Variants in LDB1 observed in about 807,000 individuals in gnomAD.
LDB1 encodes the protein LIM domain-binding protein 1.
In LDB1, 6 loss-of-function variants were observed where a neutral mutation model predicts 49.7. That is an observed-to-expected ratio of 0.12 (90% CI 0.07 to 0.24). The LOEUF is 0.24. Among genes scored for constraint, LDB1 ranks in the 10% least tolerant of loss-of-function variants. The pLI is 1.00. For missense variants in LDB1, 341 were observed against 561.7 expected, an observed-to-expected ratio of 0.61 and a Z score of 3.97; for synonymous variants, 233 against 202.0, an observed-to-expected ratio of 1.15 and a Z score of -1.30.
downstream of LDB1, among the ~76,000 whole-genome samples, chr10:102,103,317 C>T (rs1231606085): frequency 7.6e-6 from 1 of 131,712 alleles, no homozygotes; most frequent in East Asian, 2.4e-4. Flanking sequence ...CGTTCTGAAC[C>T]ACTGCACCTG....
At position 102,110,685 on chromosome 10, in the gene LDB1, C is replaced by T; in HGVS notation, c.369G>A (p.Leu123=). The change falls in exon 6 of 11, where the codon CTG becomes CTA. Residue 123 remains leucine, a synonymous_variant. Transcript: ENST00000673968. ...GPKRYTIGRT[L]IPRYFRSIFE... The stretch of plus-strand genomic sequence containing the variant: ...AGATGCTGCGGAAGTAGCGTGGGAT[C>T]AGGGTCCGGCCAATGGCTGTAGAGA... 6.2e-7 allele frequency: 1 copy of T among 1,613,226 alleles called. No homozygotes were observed. The highest frequency in any genetic ancestry group is 8.5e-7 in the Non-Finnish European group (1 of 1,179,504).
chr10:102,105,685 G>T (rs1197318959), downstream of LDB1, among the ~76,000 whole-genome samples: 1 of 151,760 alleles, frequency 6.6e-6, no homozygotes, highest in African/African-American at 2.4e-5. Context: ...CTGCTGACCG[G>T]GCAGAGTGGA....
downstream of LDB1, among the ~76,000 whole-genome samples, chr10:102,102,466 T>C (rs2068128785): frequency 6.6e-6 from 1 of 152,128 alleles, no homozygotes; most frequent in Admixed American, 6.5e-5. Flanking sequence ...GTCCTCCTCT[T>C]GTAGAGGTGA....
chr10:102,110,663 T>C lies in LDB1; in HGVS notation c.391A>G (p.Ile131Val), dbSNP rs2068238575. 2 of 1,613,702 alleles carry C rather than the reference T, an allele frequency of 1.2e-6. No individual in the cohort carries two copies. The highest frequency in any genetic ancestry group is 1.1e-5 in the South Asian group (1 of 91,082). ...RTLIPRYFRS[I>V]FEGGATELYY... ...AGCTCCGTAGCACCCCCCTCAAAGA[T>C]GCTGCGGAAGTAGCGTGGGATCAGG... is the stretch of plus-strand genomic sequence containing the variant. The change falls in exon 6 of 11, where the codon ATC becomes GTC. Residue 131 changes from isoleucine (I) to valine (V), a missense_variant. Coordinates refer to ENST00000673968, the MANE Select transcript of LDB1 (RefSeq NM_001113407.3).
rs371037062 is a variant in LDB1 at position 102,109,592 on chromosome 10, A to T, written c.732+8T>A. 6.2e-7 allele frequency: 1 copy of T among 1,613,966 alleles called. No homozygotes were observed. The highest frequency in any genetic ancestry group is 1.3e-5 in the African/African-American group (1 of 74,888). Reference sequence around the variant, plus strand: ...ACTGGGGCAGAAACTGGGTGGTCGGAGACTCACTCGGAGGTAGTTGAGAGT... The same window carrying T: ...ACTGGGGCAGAAACTGGGTGGTCGGTGACTCACTCGGAGGTAGTTGAGAGT... On this transcript the variant is annotated splice_region_variant and intron_variant, in intron 8 of 10. Transcript: ENST00000673968. This position sits in a 1 kb window ranked among gnomAD's most constrained non-coding sequence, Gnocchi z 5.8.
Position 102,110,247 on chromosome 10 carries a change from A to T in LDB1, c.526-204T>A, listed in dbSNP as rs2068232297. ...ACACAGACACACAGTAGAAAAGCTTAACAGATCCTTGTCCTCTCCCCATGT... is the reference window on the plus strand; with the variant it reads ...ACACAGACACACAGTAGAAAAGCTTTACAGATCCTTGTCCTCTCCCCATGT... On this transcript the variant is annotated intron_variant, in intron 6 of 10. Coordinates refer to ENST00000673968, the MANE Select transcript of LDB1 (RefSeq NM_001113407.3). The T allele has an allele frequency of 1.4e-5, 9 of 638,696 alleles. No individual in the cohort carries two copies. The Admixed American group carries it at 2.4e-4, about 17-fold the overall frequency. 39.6% of individuals were successfully genotyped at this position (638,696 alleles called of 1,614,324 possible). A position where few individuals can be genotyped will look rare whatever the true frequency, so the allele number is the denominator to read the frequency against.
At chr10:102,103,862 G>A (rs1377406182), downstream of LDB1, among the ~76,000 whole-genome samples, 1 of 151,922 alleles carries the variant, frequency 6.6e-6, no homozygotes, top group African/African-American at 2.4e-5. Flanking sequence ...GCCCAGGCTA[G>A]TCTTGAACTC....
At position 102,109,935 on chromosome 10, in the gene LDB1, T is replaced by C; in HGVS notation, c.634A>G (p.Ile212Val). ...RQHRELIPRS[I>V]LAMHAQDPQM... ...CCACGACTCACATGCATGGCAAGGATGCTGCGGGGGATGAGCTCTCGGTGC... is the reference window on the plus strand; with the variant it reads ...CCACGACTCACATGCATGGCAAGGACGCTGCGGGGGATGAGCTCTCGGTGC... Residue 212 changes from isoleucine to valine, a missense_variant, in exon 7 of 11, where the codon ATC becomes GTC. This residue lies in a region of LDB1 where 233 missense variants were observed against 385.7 expected (regional missense o/e 0.60). Coordinates refer to ENST00000673968, the MANE Select transcript of LDB1 (RefSeq NM_001113407.3). This position sits in a 1 kb window ranked among gnomAD's most constrained non-coding sequence, Gnocchi z 5.8. The C allele has an allele frequency of 6.2e-7, 1 of 1,609,910 alleles. No individual in the cohort carries two copies. The highest frequency in any genetic ancestry group is 1.3e-5 in the African/African-American group (1 of 74,906).
At chr10:102,108,947 T>G (rs1446958733) in intron 10 of LDB1, 82 bp downstream of exon 10, 3 of 1,572,002 alleles carry the variant, frequency 1.9e-6, no homozygotes, top group East Asian at 2.2e-5. Flanking sequence ...CTTCTACGCC[T>G]GCTAGTGAGC....
At position 102,109,695 on chromosome 10, in the gene LDB1, G is replaced by A. The variant is rs2068221752; in HGVS notation, c.649-12C>T. 1.2e-6 allele frequency: 2 copies of A among 1,613,152 alleles called. No individual in the cohort carries two copies. Among genetic ancestry groups the A allele is most frequent in the Non-Finnish European group, 1.7e-6 (2 of 1,179,194 alleles). Reference sequence around the variant, plus strand: ...TGGGGGTCTTGGGCCTAGAGTGGGAGAAAAGACAAGAAAGAACACTGACAC... The same window carrying A: ...TGGGGGTCTTGGGCCTAGAGTGGGAAAAAAGACAAGAAAGAACACTGACAC... On this transcript the variant is annotated splice_polypyrimidine_tract_variant and intron_variant, in intron 7 of 10. Transcript: ENST00000673968. This position sits in a 1 kb window ranked among gnomAD's most constrained non-coding sequence, Gnocchi z 5.8.
At chr10:102,110,820 C>T (rs547088554) in intron 5 of LDB1, 49 bp downstream of exon 5, 103 of 1,585,948 alleles carry the variant, frequency 6.5e-5, no homozygotes, top group South Asian at 4.9e-4. Flanking sequence ...GACCTTAGAA[C>T]GACATAGGAG....
chr10:102,110,727 G>A, intron 5 of LDB1, 26 bp from the exon 6 acceptor site: 1 of 1,605,448 alleles, frequency 6.2e-7, no homozygotes, highest in Non-Finnish European at 8.5e-7. Flanking sequence ...AAACTCTTCA[G>A]GACAAAGGGA....
chr10:102,104,807 A>T (rs551683628), downstream of LDB1, among the ~76,000 whole-genome samples: 78 of 152,166 alleles, frequency 5.1e-4, no homozygotes, highest in Non-Finnish European at 9.0e-4. Flanking sequence ...CAGCCCCATA[A>T]CTCAACACAG....
At position 102,109,669 on chromosome 10, in the gene LDB1, C is replaced by T. The variant is rs989901812; in HGVS notation, c.663G>A (p.Gln221=). 3 of 1,614,104 alleles carry T rather than the reference C, an allele frequency of 1.9e-6. No homozygotes were observed. Among genetic ancestry groups the T allele is most frequent in the Non-Finnish European group, 2.5e-6 (3 of 1,179,980 alleles). ...SILAMHAQDP[Q]MLDQLSKNIT... ...TGTTTTTGGAGAGCTGATCCAACATCTGGGGGTCTTGGGCCTAGAGTGGGA... is the reference window on the plus strand; with the variant it reads ...TGTTTTTGGAGAGCTGATCCAACATTTGGGGGTCTTGGGCCTAGAGTGGGA... Residue 221 remains glutamine (Q), a synonymous_variant, in exon 8 of 11, where the codon CAG becomes CAA. Coordinates refer to ENST00000673968, the MANE Select transcript of LDB1 (RefSeq NM_001113407.3). The surrounding 1 kb of genome is among the most constrained non-coding windows in gnomAD (Gnocchi z 5.8).
Position 102,120,295 on chromosome 10 carries a change from A to ACAGGAAGGAAGC in LDB1, c.-197_-186dup. ...GAGGGGCCTGTCAGGCGCGGAGCAG[A>ACAGGAAGGAAGC]CAGGAAGGAAGCCAGGCAGGAAGGC... is the stretch of plus-strand genomic sequence containing the variant. On this transcript the variant is annotated 5_prime_UTR_variant, in exon 1 of 11. Coordinates refer to ENST00000673968, the MANE Select transcript of LDB1 (RefSeq NM_001113407.3). 2 of 983,620 alleles carry ACAGGAAGGAAGC rather than the reference A, an allele frequency of 2.0e-6. No homozygotes were observed. Among genetic ancestry groups the ACAGGAAGGAAGC allele is most frequent in the Non-Finnish European group, 2.4e-6 (2 of 829,516 alleles). 60.9% of individuals were successfully genotyped at this position (983,620 alleles called of 1,614,324 possible).
rs561380723 is a variant in LDB1 at position 102,108,309 on chromosome 10, C to A, written c.1020G>T (p.Val340=). Residue 340 remains valine (V), a synonymous_variant, in exon 11 of 11, where the codon GTG becomes GTT. Transcript: ENST00000673968. ...CCCCGCCCATCAGGGTGGGCTCCCC[C>A]ACCACCATCACATCCTGAGAGTGGC... is the stretch of plus-strand genomic sequence containing the variant. The part of the protein sequence containing the change: ...LSSQVPDVMV[V]GEPTLMGGEF... 1.9e-6 allele frequency: 3 copies of A among 1,613,712 alleles called. No homozygotes were observed. The highest frequency in any genetic ancestry group is 2.2e-5 in the East Asian group (1 of 44,880).
chr10:102,120,411 G>A (rs1318662499), upstream of LDB1: 4 of 983,886 alleles, frequency 4.1e-6, no homozygotes, highest in African/African-American at 7.0e-5. Context: ...GCGTGTCTGT[G>A]CGCTCCCGCC....
chr10:102,112,224 T>C (rs1156679959), intron 1 of LDB1, among the ~76,000 whole-genome samples: 1 of 152,168 alleles, frequency 6.6e-6, no homozygotes. Context: ...CACTCAATCA[T>C]CAAAACAACC....
downstream of LDB1, among the ~76,000 whole-genome samples, chr10:102,106,304 T>A (rs1459845364): frequency 6.6e-6 from 1 of 151,584 alleles, no homozygotes; most frequent in Non-Finnish European, 1.5e-5. Context: ...AGCTGGGACA[T>A]CTGGGAACAA....
Sources: allele counts gnomAD v4.1 joint callset (sites outside exome capture counted in the v4.1 genomes callset), GRCh38; gene constraint gnomAD v4.1.1; regional missense constraint gnomAD v4.1.1; non-coding constraint Gnocchi (gnomAD v3.1); transcripts MANE v1.5; gene names NCBI Gene and HGNC (gene_info 2026-07-23, HGNC 2026-07-21).